The following NSF variants were observed in gnomAD, a reference collection of about 807,000 sequenced individuals.
NSF encodes the protein vesicle-fusing ATPase.
Under a neutral mutation model 50.3 loss-of-function variants are expected in NSF, and 14 were observed. The ratio of observed to expected loss-of-function variants is 0.28; its 90% CI spans 0.18 to 0.44. The LOEUF (loss-of-function observed/expected upper bound fraction) is 0.44, where lower values mean the gene tolerates loss of function less well. Ranked by LOEUF, NSF falls within the 20% of genes least tolerant of loss-of-function variation. The pLI, the probability that NSF is intolerant of heterozygous loss-of-function variation, is 1.00. For synonymous variants in NSF, 109 were observed against 175.7 expected (o/e 0.62, Z 3.00); for missense variants, 218 against 504.3 (o/e 0.43, Z 5.44).
intron 17 of NSF, among the ~76,000 whole-genome samples, chr17:46,740,126 G>C (rs2059055194): frequency 1.3e-5 from 2 of 152,186 alleles, no homozygotes; most frequent in African/African-American, 2.4e-5. Flanking sequence ...TTCAGTACTA[G>C]GAGTGAGAGG....
At chr17:46,715,562 C>T (rs900475619) in intron 15 of NSF, among the ~76,000 whole-genome samples, 4 of 152,212 alleles carry the variant, frequency 2.6e-5, no homozygotes, top group Non-Finnish European at 5.9e-5. Context: ...CAGCTGCCAG[C>T]TTCTACCTCA....
intron 15 of NSF, among the ~76,000 whole-genome samples, chr17:46,722,407 C>T (rs1338301154): frequency 6.6e-6 from 1 of 152,178 alleles, no homozygotes; most frequent in African/African-American, 2.4e-5. Context: ...TTTGGCACTT[C>T]AGTTGTACTA....
chr17:46,708,822 A>ATATAT (rs1476082458), intron 13 of NSF, among the ~76,000 whole-genome samples: 1 of 108,902 alleles, frequency 9.2e-6, no homozygotes, highest in African/African-American at 3.8e-5. Flanking sequence ...ATATATATAT[A>ATATAT]TTTTTTTTTT....
chr17:46,678,529 G>A (rs905985659), intron 9 of NSF, among the ~76,000 whole-genome samples: 1 of 150,774 alleles, frequency 6.6e-6, no homozygotes, highest in Non-Finnish European at 1.5e-5. Flanking sequence ...TAAAGGTCTG[G>A]TGCGTGTATT....
chr17:46,739,790 C>T (rs1222657632), intron 17 of NSF, among the ~76,000 whole-genome samples: 2 of 151,866 alleles, frequency 1.3e-5, no homozygotes, highest in African/African-American at 2.4e-5. Context: ...CCTCTGCCTC[C>T]CGGGTTCAAG....
chr17:46,751,094 C>G (rs539793403), intron 18 of NSF, among the ~76,000 whole-genome samples: 13 of 152,076 alleles, frequency 8.5e-5, no homozygotes, highest in Non-Finnish European at 1.9e-4. Flanking sequence ...TGAAATTTAT[C>G]TATATGATAA....
At chr17:46,751,672 A>C in intron 19 of NSF, 56 bp downstream of exon 19, 3 of 1,042,256 alleles carry the variant, frequency 2.9e-6, no homozygotes, top group Non-Finnish European at 4.3e-6. Context: ...AGGACACACC[A>C]AGAGGGTTCA....
intron 17 of NSF, among the ~76,000 whole-genome samples, chr17:46,742,885 A>G (rs900059013): frequency 2.0e-5 from 3 of 152,226 alleles, no homozygotes; most frequent in Non-Finnish European, 1.5e-5. Flanking sequence ...GTTGAATAAT[A>G]CAAGCTAAGA....
At chr17:46,708,822 A>ATAT (rs1476082458) in intron 13 of NSF, among the ~76,000 whole-genome samples, 50 of 108,858 alleles carry the variant, frequency 4.6e-4, no homozygotes, top group African/African-American at 7.2e-4. Context: ...ATATATATAT[A>ATAT]TTTTTTTTTT....
chr17:46,721,768 C>G, intron 15 of NSF: 1 of 1,602,028 alleles, frequency 6.2e-7, no homozygotes, highest in Non-Finnish European at 8.5e-7. Context: ...TTGGGAAGAC[C>G]AAGTCCTCAA....
Position 46,749,780 on chromosome 17 carries a change from A to G in NSF, c.1916A>G (p.Lys639Arg), listed in dbSNP as rs1474711596. ...LLKKAPPQGRKLLIIGTTSRK... is the reference protein window; with the variant it reads ...LLKKAPPQGRRLLIIGTTSRK... ...TTTTCTCCCTATGATCAGGGCCGCA[A>G]GCTTCTTATCATTGGGACCACTAGC... The change falls in exon 18 of 21, where the codon AAG becomes AGG. Residue 639 changes from lysine to arginine, a missense_variant. Around this residue, in one of 2 missense-constraint regions of NSF, gnomAD observed 209 missense variants for 320.9 expected, o/e 0.65. Transcript: ENST00000398238. 1 of 1,613,518 alleles carries G rather than the reference A, an allele frequency of 6.2e-7. No individual in the cohort carries two copies. The highest frequency in any genetic ancestry group is 8.5e-7 in the Non-Finnish European group (1 of 1,179,620).
At chr17:46,714,232 T>C (rs1307277303) in intron 15 of NSF, among the ~76,000 whole-genome samples, 1 of 152,230 alleles carries the variant, frequency 6.6e-6, no homozygotes, top group African/African-American at 2.4e-5. Flanking sequence ...TTAAGTTTCA[T>C]TGCCTAGTTT....
At chr17:46,724,748 A>C (rs2058869269) in intron 15 of NSF, among the ~76,000 whole-genome samples, 1 of 152,196 alleles carries the variant, frequency 6.6e-6, no homozygotes, top group Non-Finnish European at 1.5e-5. Flanking sequence ...TGCTTGATAC[A>C]TAATAAGAAT....
intron 17 of NSF, among the ~76,000 whole-genome samples, chr17:46,745,135 G>A (rs1284530531): frequency 6.6e-6 from 1 of 152,078 alleles, no homozygotes; most frequent in Non-Finnish European, 1.5e-5. Context: ...TCCCCTCTTG[G>A]GTTGAGCACC....
rs2146278167 is a variant in NSF, at chr17:46,719,445, T to G, written c.1761+5459T>G. On this transcript the variant is annotated intron_variant, in intron 15 of 20. Transcript: ENST00000398238. The surrounding 1 kb of genome is among the most constrained non-coding windows in gnomAD (Gnocchi z 4.3). ...TGCTAAAATACGTGAAAGTAGTTTATTCTCAATTAATTTAAAATTCACCTT... is the reference window on the plus strand; with the variant it reads ...TGCTAAAATACGTGAAAGTAGTTTAGTCTCAATTAATTTAAAATTCACCTT... Among the ~76,000 whole-genome samples the G allele has an allele frequency of 6.6e-6, 1 of 152,310 alleles. No individual in the cohort carries two copies. Among genetic ancestry groups the G allele is most frequent in the East Asian group, 1.9e-4 (1 of 5,192 alleles).
At chr17:46,697,262 G>T (rs2058603831) in intron 12 of NSF, among the ~76,000 whole-genome samples, 1 of 122,498 alleles carries the variant, frequency 8.2e-6, no homozygotes, top group Admixed American at 9.1e-5. Context: ...CCAGGCTGGA[G>T]TGCAGTGGCA....
intron 15 of NSF, chr17:46,721,582 T>G: frequency 6.5e-7 from 1 of 1,528,866 alleles, no homozygotes; most frequent in Non-Finnish European, 9.0e-7. Flanking sequence ...CCATTTTTGT[T>G]TACAATTGAA....
chr17:46,657,802 G>A (rs1158739196), intron 8 of NSF, among the ~76,000 whole-genome samples: 3 of 49,430 alleles, frequency 6.1e-5, no homozygotes, highest in African/African-American at 9.8e-5. Flanking sequence ...ATAGTTCTTG[G>A]GTATATAATA....
intron 18 of NSF, among the ~76,000 whole-genome samples, chr17:46,750,266 T>A (rs2059168965): frequency 6.6e-6 from 1 of 152,038 alleles, no homozygotes; most frequent in Non-Finnish European, 1.5e-5. Flanking sequence ...AGCAGGAGAA[T>A]CTCTTGAACC....
Sources: gnomAD v4.1 joint callset for allele counts (sites outside exome capture counted in the v4.1 genomes callset) on GRCh38, gnomAD v4.1.1 for gene constraint, gnomAD v4.1.1 regional missense constraint, Gnocchi (gnomAD v3.1) non-coding constraint, MANE v1.5 for transcripts, NCBI Gene and HGNC (gene_info 2026-07-23, HGNC 2026-07-21) for gene names.